Variants in NLGN1 observed in about 807,000 individuals in gnomAD.
NLGN1 encodes the protein neuroligin-1.
In NLGN1, 12 loss-of-function variants were observed where a neutral mutation model predicts 65.5. The ratio of observed to expected loss-of-function variants is 0.18; its 90% CI spans 0.12 to 0.30. NLGN1 has a LOEUF of 0.30. NLGN1 is among the 10% of genes least tolerant of loss of function. The probability of loss-of-function intolerance (pLI) is 1.00; values close to 1 mark genes in which losing one functional copy is unlikely to be tolerated. For synonymous variants in NLGN1, 350 were observed against 359.5 expected (o/e 0.97, Z 0.30); for missense variants, 750 against 1,007.1 (o/e 0.74, Z 3.46).
At chr3:173,899,805 C>T (rs1333209029) in intron 4 of NLGN1, among the ~76,000 whole-genome samples, 1 of 151,918 alleles carries the variant, frequency 6.6e-6, no homozygotes, top group Non-Finnish European at 1.5e-5. Context: ...GTTTGCTTGC[C>T]CATGGACTGA....
At chr3:173,733,842 C>CA (rs1011400390) in intron 3 of NLGN1, among the ~76,000 whole-genome samples, 5 of 152,188 alleles carry the variant, frequency 3.3e-5, no homozygotes, top group African/African-American at 1.2e-4. Flanking sequence ...TGCAAAAAAG[C>CA]ATTGTCCATA....
intron 2 of NLGN1, among the ~76,000 whole-genome samples, chr3:173,448,031 G>T (rs1290286654): frequency 2.2e-4 from 34 of 152,186 alleles, no homozygotes; most frequent in Non-Finnish European, 4.0e-4. Context: ...ACTTCCTCTT[G>T]TCCTAATTGA....
At chr3:174,007,625 A>G (rs1336249180) in intron 4 of NLGN1, among the ~76,000 whole-genome samples, 2 of 152,218 alleles carry the variant, frequency 1.3e-5, no homozygotes, top group Non-Finnish European at 2.9e-5. Flanking sequence ...AGCAGAAACC[A>G]GATCTAACGA....
chr3:173,554,665 C>T (rs1010455093), intron 2 of NLGN1, among the ~76,000 whole-genome samples: 4 of 152,080 alleles, frequency 2.6e-5, no homozygotes, highest in African/African-American at 9.7e-5. Flanking sequence ...TTATCAGTTC[C>T]CATGGTGATG....
At chr3:173,846,339 G>C (rs995781633) in intron 4 of NLGN1, among the ~76,000 whole-genome samples, 1 of 152,116 alleles carries the variant, frequency 6.6e-6, no homozygotes, top group Admixed American at 6.5e-5. Context: ...CCAGGGCTCA[G>C]TGCTTTTGTA....
At chr3:174,074,991 A>G (rs536801457) in intron 4 of NLGN1, among the ~76,000 whole-genome samples, 9 of 152,286 alleles carry the variant, frequency 5.9e-5, no homozygotes, top group Non-Finnish European at 8.8e-5. Flanking sequence ...GGTCTTCCCA[A>G]GATTGTCTCA....
chr3:174,119,015 T>C (rs940742803), intron 4 of NLGN1, among the ~76,000 whole-genome samples: 1 of 151,748 alleles, frequency 6.6e-6, no homozygotes. Flanking sequence ...GCAGAGGACA[T>C]AGAAAAAAAA....
chr3:173,982,806 CA>C (rs1243417304), intron 4 of NLGN1, among the ~76,000 whole-genome samples: 1 of 152,070 alleles, frequency 6.6e-6, no homozygotes, highest in Non-Finnish European at 1.5e-5. Context: ...TACAGTAAAA[CA>C]TATCAGGCCC....
chr3:173,411,576 G>T (rs1048855154), intron 1 of NLGN1, among the ~76,000 whole-genome samples: 1 of 152,088 alleles, frequency 6.6e-6, no homozygotes, highest in African/African-American at 2.4e-5. Flanking sequence ...CAACAAGAAT[G>T]GGGGATTTTG....
chr3:174,289,987 A>ATATG (rs1752580075), downstream of NLGN1, among the ~76,000 whole-genome samples: 1 of 145,844 alleles, frequency 6.9e-6, no homozygotes, highest in East Asian at 2.0e-4. Context: ...ATATATATAC[A>ATATG]TATATATTCT....
intron 2 of NLGN1, among the ~76,000 whole-genome samples, chr3:173,502,751 C>G (rs543870615): frequency 6.6e-6 from 1 of 152,166 alleles, no homozygotes; most frequent in East Asian, 1.9e-4. Flanking sequence ...GCACAAATCA[C>G]TGAATTTTAA....
At position 173,651,792 on chromosome 3, in the gene NLGN1, A is replaced by AT. The variant is rs532351738; in HGVS notation, c.493+46709dup. On this transcript the variant is annotated intron_variant, in intron 3 of 6. Transcript: ENST00000457714. ...AAATGTCTACTCATGTTCTTTGCCC[A>AT]TTTTTTTTGTTTTGTTTTTTGAGAC... 8.6e-4 allele frequency among the ~76,000 whole-genome samples: 129 copies of AT among 150,800 alleles called. 1 individual carries two copies. Among genetic ancestry groups the AT allele is most frequent in the Non-Finnish European group, 1.5e-3 (103 of 67,622 alleles).
chr3:173,862,804 T>C (rs1246976107), intron 4 of NLGN1, among the ~76,000 whole-genome samples: 2 of 152,174 alleles, frequency 1.3e-5, no homozygotes, highest in South Asian at 4.1e-4. Flanking sequence ...TGGCAAGATA[T>C]CTTACTTAAT....
chr3:173,900,951 G>C (rs1290352798), intron 4 of NLGN1, among the ~76,000 whole-genome samples: 2 of 151,924 alleles, frequency 1.3e-5, no homozygotes, highest in Non-Finnish European at 2.9e-5. Context: ...AACTAATATA[G>C]CCATGTTTAA....
chr3:173,627,452 T>G (rs959166312), intron 3 of NLGN1, among the ~76,000 whole-genome samples: 9 of 152,122 alleles, frequency 5.9e-5, no homozygotes, highest in Non-Finnish European at 1.0e-4. Context: ...CAATGCACAC[T>G]TAGGTTCATT....
intron 2 of NLGN1, among the ~76,000 whole-genome samples, chr3:173,522,725 G>T (rs1560379696): frequency 6.6e-6 from 1 of 152,120 alleles, no homozygotes; most frequent in Non-Finnish European, 1.5e-5. Context: ...GAGCCACCCT[G>T]CCTGGCCATT....
chr3:173,839,190 A>G (rs1724274970), intron 4 of NLGN1, among the ~76,000 whole-genome samples: 1 of 149,976 alleles, frequency 6.7e-6, no homozygotes. Context: ...CCCTTTTCTT[A>G]ATTTGTTAAA....
At chr3:174,195,406 C>T (rs1561264026) in intron 4 of NLGN1, among the ~76,000 whole-genome samples, 1 of 152,040 alleles carries the variant, frequency 6.6e-6, no homozygotes, top group African/African-American at 2.4e-5. Flanking sequence ...TTAAAAAGTC[C>T]AGTAAGTAGA....
At chr3:174,012,837 T>C (rs1008298408) in intron 4 of NLGN1, among the ~76,000 whole-genome samples, 7 of 152,284 alleles carry the variant, frequency 4.6e-5, no homozygotes, top group African/African-American at 1.7e-4. Flanking sequence ...TCAAGTGATA[T>C]AGTAGACATG....
Sources: gnomAD v4.1 joint callset for allele counts (sites outside exome capture counted in the v4.1 genomes callset) on GRCh38, gnomAD v4.1.1 for gene constraint, MANE v1.5 for transcripts, NCBI Gene and HGNC (gene_info 2026-07-23, HGNC 2026-07-21) for gene names.